Variants in DCC observed in about 807,000 individuals in gnomAD.
DCC encodes DCC netrin 1 receptor.
In DCC, 58 loss-of-function variants were observed where a neutral mutation model predicts 172.5. That is an observed-to-expected ratio of 0.34 (90% CI 0.27 to 0.42). DCC has a LOEUF of 0.42. Ranked by LOEUF, DCC falls within the 10% of genes least tolerant of loss-of-function variation. DCC has a pLI of 1.00. For missense variants in DCC, 1,740 were observed against 1,791.0 expected (o/e 0.97, Z 0.51); for synonymous variants, 709 against 644.5 (o/e 1.10, Z -1.52).
At chr18:52,551,076 T>C (rs1440664304) in intron 1 of DCC, among the ~76,000 whole-genome samples, 1 of 151,956 alleles carries the variant, frequency 6.6e-6, no homozygotes, top group Non-Finnish European at 1.5e-5. Flanking sequence ...AATACTGTTG[T>C]CTACAGCATA....
intron 2 of DCC, among the ~76,000 whole-genome samples, chr18:52,890,508 G>T (rs1370212056): frequency 6.6e-6 from 1 of 152,084 alleles, no homozygotes; most frequent in Non-Finnish European, 1.5e-5. Flanking sequence ...GGAAAATATT[G>T]ATGTGTTATG....
intron 1 of DCC, among the ~76,000 whole-genome samples, chr18:52,735,447 A>T (rs4939703): frequency 9.9e-5 from 15 of 152,044 alleles, no homozygotes; most frequent in Non-Finnish European, 4.4e-5. Context: ...GGGAATTTAC[A>T]AGGAGAATTG....
intron 5 of DCC, among the ~76,000 whole-genome samples, chr18:53,042,872 T>C (rs1039495963): frequency 2.6e-5 from 4 of 151,350 alleles, no homozygotes; most frequent in African/African-American, 9.7e-5. Context: ...GAGTGTAAAT[T>C]AGTTCAACCA....
In DCC at chr18:53,029,616, C is replaced by CTT. The variant is rs74178698; in HGVS notation, c.986-33682_986-33681dup. 2.4e-3 allele frequency among the ~76,000 whole-genome samples: 363 copies of CTT among 151,772 alleles called. 3 individuals are homozygous for CTT. The highest frequency in any genetic ancestry group is 0.01 in the Middle Eastern group (3 of 290). On this transcript the variant is annotated intron_variant, in intron 5 of 28. Coordinates refer to ENST00000442544, the MANE Select transcript of DCC (RefSeq NM_005215.4). ...TAACTTGAAGGCAGATTCTATGTGT[C>CTT]TTTTTTTTATCTTTGTATAGCTACA...
chr18:52,488,541 G>A lies in DCC; in HGVS notation c.91+147663G>A, dbSNP rs111386368. On this transcript the variant is annotated intron_variant, in intron 1 of 28. Coordinates refer to ENST00000442544, the MANE Select transcript of DCC (RefSeq NM_005215.4). The stretch of plus-strand genomic sequence containing the variant: ...GAAAGGAGAGAGAAAATGCATAAAT[G>A]AAACTAGATCTGACCGCTGCTTTGT... 9.9e-3 allele frequency among the ~76,000 whole-genome samples: 1,514 copies of A among 152,164 alleles called. 15 individuals are homozygous for A. The highest frequency in any genetic ancestry group is 0.024 in the Middle Eastern group (7 of 294).
intron 5 of DCC, among the ~76,000 whole-genome samples, chr18:53,054,052 A>T (rs1471108460): frequency 6.6e-6 from 1 of 152,050 alleles, no homozygotes; most frequent in African/African-American, 2.4e-5. Flanking sequence ...TAATCTGTGA[A>T]TGCTCAAATT....
At chr18:52,364,528 G>A (rs1315803498) in intron 1 of DCC, among the ~76,000 whole-genome samples, 1 of 152,158 alleles carries the variant, frequency 6.6e-6, no homozygotes, top group East Asian at 1.9e-4. Context: ...AGAGTTGGGA[G>A]GGAACTTGGA....
chr18:52,926,589 A>G (rs1019706634), intron 5 of DCC, among the ~76,000 whole-genome samples: 1 of 151,742 alleles, frequency 6.6e-6, no homozygotes, highest in African/African-American at 2.4e-5. Context: ...ATTGTGCTGT[A>G]TATTACTGAT....
chr18:52,749,022 C>T (rs376709019), intron 1 of DCC, among the ~76,000 whole-genome samples: 1 of 152,078 alleles, frequency 6.6e-6, no homozygotes, highest in East Asian at 1.9e-4. Context: ...ATATGGCCAA[C>T]ATGGCCATCT....
intron 1 of DCC, among the ~76,000 whole-genome samples, chr18:52,495,641 A>C (rs1052669819): frequency 6.6e-6 from 1 of 152,162 alleles, no homozygotes; most frequent in African/African-American, 2.4e-5. Context: ...CAGAAATTTC[A>C]AACAATGTCA....
chr18:53,385,021 C>CTTTTTTTTTT (rs35779527), intron 15 of DCC, among the ~76,000 whole-genome samples: 17 of 131,018 alleles, frequency 1.3e-4, no homozygotes, highest in South Asian at 2.4e-4. Flanking sequence ...TAATTTTTTT[C>CTTTTTTTTTT]TTTTTTTTTT....
intron 1 of DCC, among the ~76,000 whole-genome samples, chr18:52,402,621 G>T (rs1986484599): frequency 2.0e-5 from 3 of 151,900 alleles, no homozygotes; most frequent in African/African-American, 4.8e-5. Context: ...AAATAAGTTG[G>T]TTTTTTAGAT....
chr18:52,912,687 T>C (rs17389882), intron 3 of DCC, among the ~76,000 whole-genome samples: 3,177 of 152,186 alleles, frequency 0.021, 56 homozygotes, highest in Admixed American at 0.039. Flanking sequence ...GTGTTTGATC[T>C]TCATTACCCA....
At chr18:52,481,760 A>G (rs1478398615) in intron 1 of DCC, among the ~76,000 whole-genome samples, 1 of 152,056 alleles carries the variant, frequency 6.6e-6, no homozygotes, top group Admixed American at 6.6e-5. Flanking sequence ...ATGTTGCCTC[A>G]AGGTCCTCAT....
intron 1 of DCC, among the ~76,000 whole-genome samples, chr18:52,395,106 T>C (rs550535629): frequency 3.9e-5 from 6 of 152,168 alleles, no homozygotes; most frequent in African/African-American, 1.4e-4. Flanking sequence ...ACAACAATCC[T>C]TTGTGTTTAT....
chr18:53,185,720 A>G (rs1039029619), intron 9 of DCC, among the ~76,000 whole-genome samples: 10 of 152,200 alleles, frequency 6.6e-5, no homozygotes, highest in African/African-American at 2.4e-4. Flanking sequence ...ATACAAATGC[A>G]AGTCAGAAAT....
intron 1 of DCC, among the ~76,000 whole-genome samples, chr18:52,724,348 T>A: frequency 6.6e-6 from 1 of 152,056 alleles, no homozygotes; most frequent in East Asian, 1.9e-4. Flanking sequence ...AAGGTCTTAC[T>A]ATGTTGCCCG....
intron 1 of DCC, among the ~76,000 whole-genome samples, chr18:52,578,438 T>G (rs986570919): frequency 6.6e-6 from 1 of 152,220 alleles, no homozygotes; most frequent in Non-Finnish European, 1.5e-5. Context: ...GATTTAAGTT[T>G]CCATAACCCT....
At chr18:52,354,529 G>T (rs1302003160) in intron 1 of DCC, among the ~76,000 whole-genome samples, 7 of 152,130 alleles carry the variant, frequency 4.6e-5, no homozygotes, top group Non-Finnish European at 4.4e-5. Flanking sequence ...CCAAAACACT[G>T]TCAGAGAACG....
Sources: gnomAD v4.1 joint callset for allele counts (sites outside exome capture counted in the v4.1 genomes callset) on GRCh38, gnomAD v4.1.1 for gene constraint, MANE v1.5 for transcripts, NCBI Gene and HGNC (gene_info 2026-07-23, HGNC 2026-07-21) for gene names.